Variants in TRRAP observed in about 807,000 individuals in gnomAD.
TRRAP encodes the protein transformation/transcription domain-associated protein.
Under a neutral mutation model 438.8 loss-of-function variants are expected in TRRAP, and 41 were observed. The ratio of observed to expected loss-of-function variants is 0.09; its 90% CI spans 0.07 to 0.12. TRRAP has a LOEUF of 0.12. TRRAP is among the 10% of genes least tolerant of loss of function. TRRAP has a pLI of 1.00. For missense variants in TRRAP, 3,122 were observed against 5,055.1 expected (o/e 0.62, Z 11.60); for synonymous variants, 1,994 against 1,962.9 (o/e 1.02, Z -0.42).
intron 23 of TRRAP, among the ~76,000 whole-genome samples, chr7:98,929,732 T>A (rs1554412375): frequency 6.6e-6 from 1 of 152,170 alleles, no homozygotes; most frequent in African/African-American, 2.4e-5. Context: ...TAGCTGGGAT[T>A]ACAGGCGCCT....
chr7:98,980,679 C>T (rs1244278682), intron 58 of TRRAP, among the ~76,000 whole-genome samples: 5 of 152,220 alleles, frequency 3.3e-5, no homozygotes, highest in African/African-American at 1.2e-4. Flanking sequence ...CACATGTTCC[C>T]TCATGTTCAT....
chr7:98,988,386 A>C (rs1217837834), intron 62 of TRRAP, among the ~76,000 whole-genome samples: 3 of 152,212 alleles, frequency 2.0e-5, no homozygotes, highest in Non-Finnish European at 4.4e-5. Context: ...GATAAACAAA[A>C]TGTTTATGTT....
At chr7:98,919,518 G>A (rs1320441043) in intron 20 of TRRAP, among the ~76,000 whole-genome samples, 3 of 152,164 alleles carry the variant, frequency 2.0e-5, no homozygotes, top group African/African-American at 4.8e-5. Flanking sequence ...GGAAGAATCC[G>A]TTGAACTCAA....
rs1793020074 is a variant in TRRAP at position 98,983,469 on chromosome 7, C to A, written c.9022+10C>A. The stretch of plus-strand genomic sequence containing the variant: ...CAGCATCATTACCAGGGTAAACCGA[C>A]CTGGTCCGGCATGCATTCATCATGT... On this transcript the variant is annotated intron_variant, in intron 60 of 72. Coordinates refer to ENST00000456197, the MANE Select transcript of TRRAP (RefSeq NM_001375524.1). The A allele has an allele frequency of 1.2e-6, 2 of 1,614,008 alleles. No individual in the cohort carries two copies. Among genetic ancestry groups the A allele is most frequent in the Admixed American group, 1.7e-5 (1 of 59,996 alleles).
intron 25 of TRRAP, 84 bp downstream of exon 25, chr7:98,930,914 A>G: frequency 6.5e-7 from 1 of 1,531,126 alleles, no homozygotes; most frequent in Non-Finnish European, 8.9e-7. Context: ...CCTTCTGCAA[A>G]TATGCTCTCC....
At position 98,948,513 on chromosome 7, in the gene TRRAP, C is replaced by G. The variant is rs1562955173; in HGVS notation, c.4669-53C>G. ...AGGGACCTTGTTAGGTAGACAGCCT[C>G]AAGCTCTGAGAAGAGGAAGTTGTGA... On this transcript the variant is annotated intron_variant, in intron 34 of 72. Coordinates refer to ENST00000456197, the MANE Select transcript of TRRAP (RefSeq NM_001375524.1). The surrounding 1 kb of genome is among the most constrained non-coding windows in gnomAD (Gnocchi z 4.9). The G allele has an allele frequency of 6.2e-7, 1 of 1,613,728 alleles. No individual in the cohort carries two copies. Among genetic ancestry groups the G allele is most frequent in the Non-Finnish European group, 8.5e-7 (1 of 1,180,018 alleles).
chr7:98,906,308 T>G (rs1180492680), intron 13 of TRRAP, 53 bp downstream of exon 13: 3 of 1,448,300 alleles, frequency 2.1e-6, no homozygotes, highest in Non-Finnish European at 2.9e-6. Context: ...GAGCATCAGT[T>G]ACTGGCACTT....
Position 98,910,217 on chromosome 7 carries a change from T to TCCCCCCCCCCCCCCCCCCCCCCC in TRRAP, c.1512_1513insCCCCCCCCCCCCCCCCCCCCCCC (p.Ala505ProfsTer23). Reference sequence around the variant, plus strand: ...CTGCTCCCTCCCCAGCCCCTGTCCCTGCCCCACCTCCACCCCCGCCCCCAC... The same window carrying TCCCCCCCCCCCCCCCCCCCCCCC: ...CTGCTCCCTCCCCAGCCCCTGTCCCTCCCCCCCCCCCCCCCCCCCCCCCGCCCCACCTCCACCCCCGCCCCCAC... On this transcript the variant is annotated frameshift_variant, in exon 15 of 73. Coordinates refer to ENST00000456197, the MANE Select transcript of TRRAP (RefSeq NM_001375524.1). LOFTEE classifies it high-confidence loss of function. 2.9e-6 allele frequency: 3 copies of TCCCCCCCCCCCCCCCCCCCCCCC among 1,045,586 alleles called. No homozygotes were observed. Among genetic ancestry groups the TCCCCCCCCCCCCCCCCCCCCCCC allele is most frequent in the East Asian group, 4.3e-5 (1 of 23,306 alleles). The allele number at this position is 1,045,586 out of a possible 1,614,324, so 64.8% of individuals were successfully genotyped here.
At position 98,893,295 on chromosome 7, in the gene TRRAP, A is replaced by G. The variant is rs11976266; in HGVS notation, c.367-503A>G. 6.1e-3 allele frequency among the ~76,000 whole-genome samples: 936 copies of G among 152,196 alleles called. 10 individuals are homozygous for G. The highest frequency in any genetic ancestry group is 0.021 in the African/African-American group (872 of 41,516). On this transcript the variant is annotated intron_variant, in intron 5 of 72. Coordinates refer to ENST00000456197, the MANE Select transcript of TRRAP (RefSeq NM_001375524.1). ...AGATTTCAGTCGTGTTTCTGGGCCT[A>G]TTGGAAAGATGAGCTTGGATTCTGT...
intron 44 of TRRAP, among the ~76,000 whole-genome samples, chr7:98,958,383 G>C (rs1314024686): frequency 6.6e-6 from 1 of 151,836 alleles, no homozygotes; most frequent in Non-Finnish European, 1.5e-5. Flanking sequence ...GCTCACTGCA[G>C]CTTCAACTCA....
chr7:98,904,129 A>G (rs1224219786), intron 12 of TRRAP, among the ~76,000 whole-genome samples: 2 of 152,038 alleles, frequency 1.3e-5, no homozygotes, highest in Non-Finnish European at 2.9e-5. Context: ...TACTCCTGCC[A>G]TGAGTAAGAA....
chr7:98,907,574 G>A (rs1252585463), intron 13 of TRRAP, among the ~76,000 whole-genome samples: 2 of 152,278 alleles, frequency 1.3e-5, no homozygotes, highest in East Asian at 3.9e-4. Flanking sequence ...AGAATTGGAC[G>A]TTAGATTATG....
chr7:98,996,040 C>T (rs1483758814), intron 67 of TRRAP, among the ~76,000 whole-genome samples: 1 of 150,758 alleles, frequency 6.6e-6, no homozygotes, highest in Non-Finnish European at 1.5e-5. Flanking sequence ...TTCACACTCC[C>T]CCGTCTAGTC....
intron 26 of TRRAP, among the ~76,000 whole-genome samples, chr7:98,932,163 G>T (rs1790352304): frequency 6.6e-6 from 1 of 151,766 alleles, no homozygotes. Context: ...GCTCAGGCTG[G>T]AGTGCAGTGG....
chr7:99,005,695 C>G lies in TRRAP; in HGVS notation c.10753+347C>G, dbSNP rs1293561681. 6.7e-6 allele frequency among the ~76,000 whole-genome samples: 1 copy of G among 148,492 alleles called. No homozygotes were observed. On this transcript the variant is annotated intron_variant, in intron 69 of 72. Coordinates refer to ENST00000456197, the MANE Select transcript of TRRAP (RefSeq NM_001375524.1). The surrounding 1 kb of genome is among the most constrained non-coding windows in gnomAD (Gnocchi z 5.1). ...GAGATTTCTTTTTCTTTTTTTTTTT[C>G]TTTTTTAGCTCATCACCTGTCGTGT...
At chr7:98,905,673 G>T (rs1425913040) in intron 12 of TRRAP, among the ~76,000 whole-genome samples, 1 of 152,220 alleles carries the variant, frequency 6.6e-6, no homozygotes, top group Non-Finnish European at 1.5e-5. Flanking sequence ...ATCATCCAGG[G>T]AATGCAGAAC....
At chr7:98,969,597 G>A (rs971526749) in intron 51 of TRRAP, among the ~76,000 whole-genome samples, 5 of 152,200 alleles carry the variant, frequency 3.3e-5, no homozygotes, top group African/African-American at 1.2e-4. Context: ...TCGTGGCCAG[G>A]CAGCTTGTGC....
intron 10 of TRRAP, among the ~76,000 whole-genome samples, chr7:98,900,408 T>C (rs1407494256): frequency 6.6e-6 from 1 of 152,174 alleles, no homozygotes; most frequent in Non-Finnish European, 1.5e-5. Flanking sequence ...TTGTAACTGC[T>C]ATGGAATGGG....
Position 98,956,078 on chromosome 7 carries a change from C to A in TRRAP, c.5938-68C>A, listed in dbSNP as rs1182084024. 10 of 1,519,408 alleles carry A rather than the reference C, an allele frequency of 6.6e-6. No individual in the cohort carries two copies. The Admixed American group carries it at 1.3e-4, about 20-fold the overall frequency. 94.1% of individuals were successfully genotyped at this position (1,519,408 alleles called of 1,614,324 possible). On this transcript the variant is annotated intron_variant, in intron 41 of 72. Coordinates refer to ENST00000456197, the MANE Select transcript of TRRAP (RefSeq NM_001375524.1). The surrounding 1 kb of genome is among the most constrained non-coding windows in gnomAD (Gnocchi z 4.5). The stretch of plus-strand genomic sequence containing the variant: ...TGTCGGGGGTGTGTGTGTGCACGTG[C>A]GCACACGTGCATGCACTGTGGGACC...
Sources: gnomAD v4.1 joint callset for allele counts (sites outside exome capture counted in the v4.1 genomes callset) on GRCh38, gnomAD v4.1.1 for gene constraint, Gnocchi (gnomAD v3.1) non-coding constraint, MANE v1.5 for transcripts, NCBI Gene and HGNC (gene_info 2026-07-23, HGNC 2026-07-21) for gene names.